SYNPR: variants seen among roughly 807,000 people sequenced by gnomAD.
SYNPR encodes synaptoporin.
In SYNPR, 23 loss-of-function variants were observed where a neutral mutation model predicts 32.9. The observed-to-expected ratio is 0.70, with a 90% CI of 0.50 to 0.99. The LOEUF (loss-of-function observed/expected upper bound fraction) is 0.99, where lower values mean the gene tolerates loss of function less well. SYNPR is among the 50% of genes least tolerant of loss of function. SYNPR has a pLI of 0.00. For synonymous variants in SYNPR, 146 were observed against 135.9 expected, an observed-to-expected ratio of 1.07 and a Z score of -0.52; for missense variants, 318 against 349.3, an observed-to-expected ratio of 0.91 and a Z score of 0.71.
At position 63,540,261 on chromosome 3, in the gene SYNPR, A is replaced by G. The variant is rs575155734; in HGVS notation, c.210-16282A>G. Among the ~76,000 whole-genome samples, 9 of 152,290 alleles carry G rather than the reference A, an allele frequency of 5.9e-5. No individual in the cohort carries two copies. In the South Asian group the frequency reaches 1.4e-3, roughly 25 times the overall value. Reference sequence around the variant, plus strand: ...TTAATTATTAGGTAGCAAACAGTATATTAAAGATTGTGTTTAATTATCATC... The same window carrying G: ...TTAATTATTAGGTAGCAAACAGTATGTTAAAGATTGTGTTTAATTATCATC... On this transcript the variant is annotated intron_variant, in intron 3 of 5. Transcript: ENST00000478300.
At chr3:63,451,989 G>C (rs1164256455) in intron 2 of SYNPR, 9 of 669,092 alleles carry the variant, frequency 1.3e-5, no homozygotes, top group East Asian at 2.7e-5. Flanking sequence ...GAGGCATTTG[G>C]AAGACACCCT....
intron 4 of SYNPR, among the ~76,000 whole-genome samples, chr3:63,595,951 T>TATATATATAATTA (rs1559546753): frequency 8.6e-6 from 1 of 116,890 alleles, no homozygotes. Flanking sequence ...ATATATAGTT[T>TATATATATAATTA]TATATATATA....
intron 2 of SYNPR, among the ~76,000 whole-genome samples, chr3:63,433,527 T>G (rs1193813743): frequency 6.6e-6 from 1 of 152,184 alleles, no homozygotes; most frequent in Admixed American, 6.5e-5. Context: ...GGAGGAAAGA[T>G]AGTTTTGTCT....
chr3:63,275,940 A>G (rs1419020511), upstream of SYNPR, among the ~76,000 whole-genome samples: 6 of 152,184 alleles, frequency 3.9e-5, no homozygotes, highest in Admixed American at 2.6e-4. Context: ...CGGCTACTTT[A>G]CTAGCTGTGT....
intron 4 of SYNPR, among the ~76,000 whole-genome samples, chr3:63,602,439 A>G (rs1018100816): frequency 5.9e-5 from 9 of 152,044 alleles, no homozygotes; most frequent in Non-Finnish European, 1.2e-4. Flanking sequence ...TATGTCCAGG[A>G]TGCATTTCCT....
chr3:63,523,701 C>T (rs1367284769), intron 3 of SYNPR, among the ~76,000 whole-genome samples: 1 of 152,138 alleles, frequency 6.6e-6, no homozygotes, highest in Non-Finnish European at 1.5e-5. Flanking sequence ...AAGAAGAAAT[C>T]TTTGCTAAGG....
intron 3 of SYNPR, among the ~76,000 whole-genome samples, chr3:63,512,189 C>T (rs1701709704): frequency 1.3e-5 from 2 of 152,224 alleles, no homozygotes; most frequent in South Asian, 4.1e-4. Flanking sequence ...GCTGGATACA[C>T]AGGTCCCAAC....
At chr3:63,391,689 C>G (rs752200399) in intron 2 of SYNPR, among the ~76,000 whole-genome samples, 13 of 152,100 alleles carry the variant, frequency 8.5e-5, no homozygotes, top group Admixed American at 7.9e-4. Flanking sequence ...ATTATTACCT[C>G]TCATAAAAAT....
chr3:63,501,298 G>C (rs748507905), intron 3 of SYNPR, among the ~76,000 whole-genome samples: 2 of 151,996 alleles, frequency 1.3e-5, no homozygotes, highest in Non-Finnish European at 2.9e-5. Context: ...GGGCAACATG[G>C]TGAAACCTCG....
At chr3:63,391,497 A>C (rs1164772616) in intron 2 of SYNPR, among the ~76,000 whole-genome samples, 1 of 152,154 alleles carries the variant, frequency 6.6e-6, no homozygotes, top group East Asian at 1.9e-4. Flanking sequence ...CCACTACCAT[A>C]TTGTGTGTGC....
intron 2 of SYNPR, among the ~76,000 whole-genome samples, chr3:63,343,675 C>T (rs1406277563): frequency 6.6e-6 from 1 of 152,152 alleles, no homozygotes; most frequent in Non-Finnish European, 1.5e-5. Context: ...GGCTTTTCTT[C>T]GACAGTATAA....
rs191336069 is a variant in SYNPR, at chr3:63,278,552, G to T, written c.18+1G>T. The stretch of plus-strand genomic sequence containing the variant: ...GCGAGCTATGGACCCTGTGAGTCAG[G>T]TGAGACAGAACTGGGCAGGGCGGCT... On this transcript the variant is annotated splice_donor_variant, in intron 1 of 5. Coordinates refer to ENST00000478300, the MANE Select transcript of SYNPR (RefSeq NM_001130003.2). LOFTEE classifies it high-confidence loss of function. The T allele has an allele frequency of 6.4e-7, 1 of 1,550,986 alleles. No individual in the cohort carries two copies. Among genetic ancestry groups the T allele is most frequent in the Non-Finnish European group, 8.7e-7 (1 of 1,146,508 alleles).
intron 2 of SYNPR, among the ~76,000 whole-genome samples, chr3:63,323,070 G>A (rs1336403877): frequency 6.6e-6 from 1 of 151,992 alleles, no homozygotes; most frequent in Non-Finnish European, 1.5e-5. Flanking sequence ...TTCAGAAAAG[G>A]CACAAAGCAG....
At chr3:63,421,788 A>T (rs1699805871) in intron 2 of SYNPR, among the ~76,000 whole-genome samples, 1 of 152,164 alleles carries the variant, frequency 6.6e-6, no homozygotes, top group Non-Finnish European at 1.5e-5. Context: ...TTACAGCTGG[A>T]GGACTGAGGC....
intron 2 of SYNPR, among the ~76,000 whole-genome samples, chr3:63,282,109 T>C (rs766272783): frequency 6.6e-6 from 1 of 152,246 alleles, no homozygotes; most frequent in Non-Finnish European, 1.5e-5. Flanking sequence ...TTGACAGGAA[T>C]ACCAGCTAAG....
the SYNPR span, among the ~76,000 whole-genome samples, chr3:63,217,383 C>G: frequency 2.7e-5 from 1 of 36,580 alleles, no homozygotes; most frequent in African/African-American, 9.1e-5. Flanking sequence ...TAGGACCCTC[C>G]GAGCCAGGTG....
intron 3 of SYNPR, among the ~76,000 whole-genome samples, chr3:63,541,312 C>T (rs1191317623): frequency 2.0e-5 from 3 of 151,816 alleles, no homozygotes. Flanking sequence ...GAAGACATTC[C>T]TCTAATTGCA....
chr3:63,399,901 G>T (rs2088266126), intron 2 of SYNPR, among the ~76,000 whole-genome samples: 1 of 152,152 alleles, frequency 6.6e-6, no homozygotes, highest in African/African-American at 2.4e-5. Flanking sequence ...GACCTTAAAA[G>T]GCTTCCCCAT....
At chr3:63,559,934 A>G (rs1442693070) in intron 4 of SYNPR, among the ~76,000 whole-genome samples, 1 of 152,230 alleles carries the variant, frequency 6.6e-6, no homozygotes, top group Admixed American at 6.5e-5. Context: ...CTAAACAGAA[A>G]AAGTTGATAC....
Sources: allele counts gnomAD v4.1 joint callset (sites outside exome capture counted in the v4.1 genomes callset), GRCh38; gene constraint gnomAD v4.1.1; transcripts MANE v1.5; gene names NCBI Gene and HGNC (gene_info 2026-07-23, HGNC 2026-07-21).